Variants in ARHGAP5 observed in about 807,000 individuals in gnomAD.
ARHGAP5 encodes rho GTPase-activating protein 5.
A neutral mutation model predicts 116.6 loss-of-function variants in ARHGAP5; 23 were observed. That is an observed-to-expected ratio of 0.20 (90% CI 0.14 to 0.28). The LOEUF (loss-of-function observed/expected upper bound fraction) is 0.28, where lower values mean the gene tolerates loss of function less well. Among genes scored for constraint, ARHGAP5 ranks in the 10% least tolerant of loss-of-function variants. The pLI, the probability that ARHGAP5 is intolerant of heterozygous loss-of-function variation, is 1.00. For synonymous variants in ARHGAP5, 574 were observed against 602.0 expected, an observed-to-expected ratio of 0.95 and a Z score of 0.68; for missense variants, 1,405 against 1,774.8, an observed-to-expected ratio of 0.79 and a Z score of 3.74.
intron 2 of ARHGAP5, among the ~76,000 whole-genome samples, chr14:32,095,147 T>C (rs539715039): frequency 2.6e-5 from 4 of 152,332 alleles, no homozygotes; most frequent in African/African-American, 7.2e-5. Context: ...TTTATGCTAA[T>C]GTGTTGGTCA....
At chr14:32,140,087 G>GTTTTTTTTTTTTTTT (rs1881028802) in intron 3 of ARHGAP5, among the ~76,000 whole-genome samples, 4 of 29,848 alleles carry the variant, frequency 1.3e-4, no homozygotes, top group African/African-American at 4.5e-4. Flanking sequence ...TTTTTTTTAG[G>GTTTTTTTTTTTTTTT]TTATTTGTTC....
Position 32,154,762 on chromosome 14 carries a change from C to A in ARHGAP5, c.4323C>A (p.Phe1441Leu). 6.2e-7 allele frequency: 1 copy of A among 1,614,188 alleles called. No homozygotes were observed. ...TTCATCAATCTGTTGTTGAAACATT[C>A]ATTCAGCAGTGTCAGTTTTTCTTTT... The part of the protein sequence containing the change: ...TKIHQSVVET[F>L]IQQCQFFFYN... The change falls in exon 7 of 7, where the codon TTC becomes TTA. Residue 1441 changes from phenylalanine (F) to leucine (L), a missense_variant. This residue lies in a region of ARHGAP5 where 85 missense variants were observed against 96.6 expected (regional missense o/e 0.88). Transcript: ENST00000345122.
At chr14:32,138,042 C>G (rs1247258573) in intron 3 of ARHGAP5, among the ~76,000 whole-genome samples, 2 of 150,170 alleles carry the variant, frequency 1.3e-5, no homozygotes, top group Admixed American at 1.3e-4. Context: ...AGATCTTGAT[C>G]TTTAGTTTCT....
intron 3 of ARHGAP5, among the ~76,000 whole-genome samples, chr14:32,127,860 C>T (rs1280836519): frequency 6.6e-6 from 1 of 151,048 alleles, no homozygotes; most frequent in African/African-American, 2.4e-5. Context: ...GGGGCAGCTG[C>T]CGGGCGGAGG....
chr14:32,150,787 T>A (rs527893669), intron 5 of ARHGAP5, among the ~76,000 whole-genome samples: 29 of 152,318 alleles, frequency 1.9e-4, no homozygotes, highest in African/African-American at 5.5e-4. Flanking sequence ...GCAGACCATG[T>A]GTTGTAAGTC....
At chr14:32,129,552 A>G (rs762382570) in intron 3 of ARHGAP5, among the ~76,000 whole-genome samples, 1 of 152,200 alleles carries the variant, frequency 6.6e-6, no homozygotes, top group African/African-American at 2.4e-5. Context: ...ATGAAAATGG[A>G]TGAATGAATC....
rs549001070 is a variant in ARHGAP5 at position 32,118,902 on chromosome 14, T to C, written c.3865+1615T>C. On this transcript the variant is annotated intron_variant, in intron 3 of 6. Transcript: ENST00000345122. ...TTAAAATTTCTATTTCTTGAATATT[T>C]CTTAGTAGTTGAGTGATTCGGTTTG... Among the ~76,000 whole-genome samples the C allele has an allele frequency of 2.6e-5, 4 of 152,282 alleles. No individual in the cohort carries two copies. The South Asian group carries it at 8.3e-4, about 32-fold the overall frequency.
chr14:32,149,785 GAAAA>G (rs1881557734), intron 4 of ARHGAP5, 113 bp from the exon 5 acceptor site: 1 of 528,904 alleles, frequency 1.9e-6, no homozygotes, highest in Non-Finnish European at 2.9e-6. Context: ...AAAAAAAAAA[GAAAA>G]AGAAAAGTGG....
At chr14:32,111,345 A>G (rs1010117086) in intron 2 of ARHGAP5, among the ~76,000 whole-genome samples, 2 of 152,178 alleles carry the variant, frequency 1.3e-5, no homozygotes, top group African/African-American at 4.8e-5. Flanking sequence ...CCAGAAAAGG[A>G]GACTAAAAAG....
At chr14:32,098,585 CTT>C (rs1878642681) in intron 2 of ARHGAP5, among the ~76,000 whole-genome samples, 1 of 152,152 alleles carries the variant, frequency 6.6e-6, no homozygotes, top group African/African-American at 2.4e-5. Flanking sequence ...CATTGATAAA[CTT>C]TCTGTAAAGG....
rs532004182 is a variant in ARHGAP5, at chr14:32,109,466, G to A, written c.3718-7674G>A. Among the ~76,000 whole-genome samples the A allele has an allele frequency of 7.9e-5, 12 of 151,752 alleles. No homozygotes were observed. The South Asian group carries it at 1.2e-3, about 16-fold the overall frequency. On this transcript the variant is annotated intron_variant, in intron 2 of 6. Coordinates refer to ENST00000345122, the MANE Select transcript of ARHGAP5 (RefSeq NM_001030055.2). The stretch of plus-strand genomic sequence containing the variant: ...ATTATCTCTCATATCTCATTCGCTC[G>A]TCTCCCTTTATATAGGGTAGGTTGA...
intron 2 of ARHGAP5, among the ~76,000 whole-genome samples, chr14:32,097,143 T>A (rs747044952): frequency 6.6e-6 from 1 of 152,244 alleles, no homozygotes; most frequent in African/African-American, 2.4e-5. Context: ...TGTTAAAAAA[T>A]ACCCAGTTTT....
At chr14:32,084,219 A>G (rs2041806464) in intron 1 of ARHGAP5, among the ~76,000 whole-genome samples, 1 of 152,194 alleles carries the variant, frequency 6.6e-6, no homozygotes, top group Non-Finnish European at 1.5e-5. Flanking sequence ...GAAATATCAG[A>G]AGATAAAAAT....
Position 32,093,222 on chromosome 14 carries a change from T to C in ARHGAP5, c.2553T>C (p.Tyr851=), listed in dbSNP as rs140758857. The C allele has an allele frequency of 2.6e-5, 42 of 1,613,824 alleles. No individual in the cohort carries two copies. The highest frequency in any genetic ancestry group is 3.3e-5 in the Admixed American group (2 of 59,962). ...GVRKDELVHG[Y]ILVYSAKRKA... Reference sequence around the variant, plus strand: ...GAAAAGATGAACTAGTTCATGGGTATATATTAGTTTACTCTGCAAAACGGA... The same window carrying C: ...GAAAAGATGAACTAGTTCATGGGTACATATTAGTTTACTCTGCAAAACGGA... Residue 851 remains tyrosine, a synonymous_variant, in exon 2 of 7, where the codon TAT becomes TAC. Coordinates refer to ENST00000345122, the MANE Select transcript of ARHGAP5 (RefSeq NM_001030055.2).
In ARHGAP5 at chr14:32,077,317, G is replaced by C; in HGVS notation, c.-287G>C. On this transcript the variant is annotated 5_prime_UTR_variant, in exon 1 of 7. Transcript: ENST00000345122. ...GGTGAGCGCGCCGAGGAAGAGAGGC[G>C]AGCGGAGAGTGGAGGAGGAGGCGGC... is the stretch of plus-strand genomic sequence containing the variant. 1 of 695,184 alleles carries C rather than the reference G, an allele frequency of 1.4e-6. No individual in the cohort carries two copies. The highest frequency in any genetic ancestry group is 2.6e-6 in the Non-Finnish European group (1 of 382,614). The allele number at this position is 695,184 out of a possible 1,614,324, so 43.1% of individuals were successfully genotyped here.
chr14:32,158,597 T>G lies in ARHGAP5; in HGVS notation c.*3649T>G, dbSNP rs938420518. The G allele has an allele frequency of 2.4e-4, 37 of 152,160 alleles. No homozygotes were observed. The highest frequency in any genetic ancestry group is 7.0e-4 in the African/African-American group (29 of 41,578). 9.4% of individuals were successfully genotyped at this position (152,160 alleles called of 1,614,324 possible). On this transcript the variant is annotated 3_prime_UTR_variant, in exon 7 of 7. Coordinates refer to ENST00000345122, the MANE Select transcript of ARHGAP5 (RefSeq NM_001030055.2). ...TTCAACATGAATCTTTGTGTTATCT[T>G]GAATTTAGTAGTTTCAAGGTACTTA...
intron 3 of ARHGAP5, among the ~76,000 whole-genome samples, chr14:32,123,761 A>T (rs575196824): frequency 1.3e-5 from 2 of 152,276 alleles, no homozygotes; most frequent in South Asian, 2.1e-4. Context: ...TTGTTTTTTC[A>T]TGTGTTAAGT....
chr14:32,148,868 A>G (rs1023081560), intron 4 of ARHGAP5, among the ~76,000 whole-genome samples: 5 of 152,126 alleles, frequency 3.3e-5, no homozygotes, highest in Non-Finnish European at 7.4e-5. Flanking sequence ...TAACCTTATG[A>G]TACACCTTTA....
intron 3 of ARHGAP5, among the ~76,000 whole-genome samples, chr14:32,131,429 CATT>C (rs1436783371): frequency 6.6e-6 from 1 of 152,116 alleles, no homozygotes; most frequent in Admixed American, 6.5e-5. Context: ...AATACATTCA[CATT>C]GTTGTGCACC....
Sources: gnomAD v4.1 joint callset for allele counts (sites outside exome capture counted in the v4.1 genomes callset) on GRCh38, gnomAD v4.1.1 for gene constraint, gnomAD v4.1.1 regional missense constraint, MANE v1.5 for transcripts, NCBI Gene and HGNC (gene_info 2026-07-23, HGNC 2026-07-21) for gene names.